The following GALNT2 variants were observed in gnomAD, a reference collection of about 807,000 sequenced individuals.
GALNT2 encodes the protein polypeptide N-acetylgalactosaminyltransferase 2, also known as UDP-GalNAc:polypeptide N-acetylgalactosaminyltransferase 2.
Under a neutral mutation model 81.4 loss-of-function variants are expected in GALNT2, and 31 were observed. The observed-to-expected ratio is 0.38, with a 90% confidence interval of 0.29 to 0.51. GALNT2 has a LOEUF of 0.51. Among genes scored for constraint, GALNT2 ranks in the 20% least tolerant of loss-of-function variants. The pLI, the probability that GALNT2 is intolerant of heterozygous loss-of-function variation, is 0.87. For missense variants in GALNT2, 629 were observed against 765.7 expected (o/e 0.82, Z 2.11); for synonymous variants, 303 against 287.4 (o/e 1.05, Z -0.55).
chr1:230,262,251 C>T (rs1288883820), intron 11 of GALNT2: 1 of 278,218 alleles, frequency 3.6e-6, no homozygotes, highest in East Asian at 7.2e-5. Context: ...TTTTGTCCTT[C>T]TTTAAGATAT....
chr1:230,210,189 G>C (rs547757712), intron 3 of GALNT2, among the ~76,000 whole-genome samples: 1 of 152,266 alleles, frequency 6.6e-6, no homozygotes, highest in South Asian at 2.1e-4. Context: ...ATAAAGTAGA[G>C]GAACCCAGGA....
chr1:230,147,809 G>GGT (rs1196825485), intron 1 of GALNT2, among the ~76,000 whole-genome samples: 1 of 152,176 alleles, frequency 6.6e-6, no homozygotes, highest in Non-Finnish European at 1.5e-5. Context: ...TCTGCCTGTG[G>GGT]GTCACCTCTG....
intron 8 of GALNT2, among the ~76,000 whole-genome samples, chr1:230,248,014 G>C (rs564335252): frequency 1.3e-5 from 2 of 152,102 alleles, no homozygotes; most frequent in Non-Finnish European, 2.9e-5. Context: ...TCAGGGGCCC[G>C]CAGGGGTCTC....
chr1:230,100,330 T>G (rs1414799383), intron 1 of GALNT2, among the ~76,000 whole-genome samples: 2 of 142,036 alleles, frequency 1.4e-5, no homozygotes, highest in African/African-American at 5.3e-5. Context: ...TTTTTTTTTT[T>G]TTTTTTGAGA....
intron 1 of GALNT2, among the ~76,000 whole-genome samples, chr1:230,112,475 G>GT (rs544172915): frequency 2.0e-5 from 3 of 152,070 alleles, no homozygotes; most frequent in Non-Finnish European, 4.4e-5. Flanking sequence ...ATTTATGCCT[G>GT]TTTCTGACAG....
chr1:230,218,108 G>A (rs866123694), intron 3 of GALNT2, among the ~76,000 whole-genome samples: 21 of 152,346 alleles, frequency 1.4e-4, no homozygotes, highest in Middle Eastern at 6.8e-3. Flanking sequence ...ACCTGTTGCC[G>A]TGATCCAGCC....
intron 1 of GALNT2, among the ~76,000 whole-genome samples, chr1:230,074,413 A>G (rs1396596329): frequency 1.3e-5 from 2 of 152,160 alleles, no homozygotes; most frequent in Admixed American, 6.5e-5. Context: ...TGTCCTCTGC[A>G]TTGTATGATG....
intron 2 of GALNT2, among the ~76,000 whole-genome samples, chr1:230,191,068 T>C (rs1257586833): frequency 6.6e-6 from 1 of 152,192 alleles, no homozygotes; most frequent in African/African-American, 2.4e-5. Context: ...CCTTCTCCTG[T>C]TCCAACAAGC....
intron 10 of GALNT2, among the ~76,000 whole-genome samples, chr1:230,254,962 A>G (rs1239192267): frequency 6.6e-6 from 1 of 152,232 alleles, no homozygotes. Context: ...CATCTGAAAA[A>G]TATTTCCCCG....
intron 3 of GALNT2, among the ~76,000 whole-genome samples, chr1:230,210,943 A>G (rs1235040615): frequency 6.6e-6 from 1 of 152,192 alleles, no homozygotes; most frequent in African/African-American, 2.4e-5. Context: ...AAGCCAAGTG[A>G]AGGTTTTCAG....
chr1:230,058,353 T>C (rs569277102), intron 1 of GALNT2, among the ~76,000 whole-genome samples: 52 of 152,304 alleles, frequency 3.4e-4, no homozygotes, highest in African/African-American at 1.1e-3. Context: ...GAAGACTGCC[T>C]TTCAGCAGAA....
chr1:230,140,675 A>G (rs1007831771), intron 1 of GALNT2, among the ~76,000 whole-genome samples: 1 of 152,058 alleles, frequency 6.6e-6, no homozygotes, highest in African/African-American at 2.4e-5. Context: ...CCCTCCCACA[A>G]TGAGTTCTGT....
At position 230,243,553 on chromosome 1, in the gene GALNT2, C is replaced by T; in HGVS notation, c.729+126C>T. 2.5e-6 allele frequency: 3 copies of T among 1,219,334 alleles called. No individual in the cohort carries two copies. The highest frequency in any genetic ancestry group is 2.9e-5 in the East Asian group (1 of 34,988). 75.5% of individuals were successfully genotyped at this position (1,219,334 alleles called of 1,614,324 possible). On this transcript the variant is annotated intron_variant, in intron 7 of 15. Transcript: ENST00000366672. This position sits in a 1 kb window ranked among gnomAD's most constrained non-coding sequence, Gnocchi z 4.2. ...CGTCAGGGCTGGTAGGGGCTGAGCTCGCCGTCTGCAGTTTTCCTTGATAGA... is the reference window on the plus strand; with the variant it reads ...CGTCAGGGCTGGTAGGGGCTGAGCTTGCCGTCTGCAGTTTTCCTTGATAGA...
chr1:230,175,670 C>G (rs1221546245), intron 1 of GALNT2, among the ~76,000 whole-genome samples: 4 of 145,574 alleles, frequency 2.7e-5, no homozygotes, highest in Non-Finnish European at 6.0e-5. Context: ...TCACTGTCCT[C>G]CCCCTCCTTC....
chr1:230,116,653 C>T (rs1238696248), intron 1 of GALNT2, among the ~76,000 whole-genome samples: 1 of 152,198 alleles, frequency 6.6e-6, no homozygotes, highest in Admixed American at 6.5e-5. Context: ...TCCATCAGAG[C>T]TCTTGGGTGA....
intron 1 of GALNT2, among the ~76,000 whole-genome samples, chr1:230,077,189 C>T (rs1034805227): frequency 6.6e-6 from 1 of 152,126 alleles, no homozygotes; most frequent in Non-Finnish European, 1.5e-5. Flanking sequence ...CTCATTGTTT[C>T]CTCCTTGCTG....
At chr1:230,164,322 C>T (rs1353999821) in intron 1 of GALNT2, among the ~76,000 whole-genome samples, 1 of 152,244 alleles carries the variant, frequency 6.6e-6, no homozygotes, top group African/African-American at 2.4e-5. Context: ...CGTACATGCA[C>T]TGTCAGCACC....
At chr1:230,117,189 G>C (rs1558091611) in intron 1 of GALNT2, among the ~76,000 whole-genome samples, 1 of 152,232 alleles carries the variant, frequency 6.6e-6, no homozygotes. Context: ...CTCTTCTGCA[G>C]CTTCCTCACA....
rs760418370 is a variant in GALNT2, at chr1:230,246,073, G to A, written c.740G>A (p.Arg247Gln). The change falls in exon 8 of 16, where the codon CGG (arginine) becomes CAG (glutamine). Residue 247 changes from arginine (R) to glutamine (Q), a missense_variant. Physicochemically the swap from Arg to Gln is conservative, Grantham distance 43. This residue lies in a region of GALNT2 where 360 missense variants were observed against 492.8 expected (regional missense o/e 0.73). Transcript: ENST00000366672. ...LLERVAEDRT[R>Q]VVSPIIDVIN... ...CTCTTTGTATTTTAGGACAGGACTC[G>A]GGTTGTGTCACCCATCATCGATGTC... The A allele has an allele frequency of 1.5e-5, 25 of 1,613,530 alleles. No homozygotes were observed. The highest frequency in any genetic ancestry group is 8.9e-5 in the East Asian group (4 of 44,888).
Sources: gnomAD v4.1 joint callset for allele counts (sites outside exome capture counted in the v4.1 genomes callset) on GRCh38, gnomAD v4.1.1 for gene constraint, gnomAD v4.1.1 regional missense constraint, Gnocchi (gnomAD v3.1) non-coding constraint, MANE v1.5 for transcripts, NCBI Gene and HGNC (gene_info 2026-07-23, HGNC 2026-07-21) for gene names.